The following STRADA variants were observed in gnomAD, a reference collection of about 807,000 sequenced individuals.
The protein encoded by STRADA is STE20 related adaptor alpha.
In STRADA, 26 loss-of-function variants were observed where a neutral mutation model predicts 55.0. The ratio of observed to expected loss-of-function variants is 0.47; its 90% confidence interval spans 0.35 to 0.66. The LOEUF is 0.66. Ranked by LOEUF, STRADA falls within the 30% of genes least tolerant of loss-of-function variation. The pLI is 0.01. For missense variants in STRADA, 443 were observed against 549.7 expected, an observed-to-expected ratio of 0.81 and a Z score of 1.94; for synonymous variants, 197 against 210.9, an observed-to-expected ratio of 0.93 and a Z score of 0.57.
At position 63,703,314 on chromosome 17, in the gene STRADA, T is replaced by A; in HGVS notation, c.*285A>T. 2 of 322,690 alleles carry A rather than the reference T, an allele frequency of 6.2e-6. No homozygotes were observed. Among genetic ancestry groups the A allele is most frequent in the Non-Finnish European group, 1.1e-5 (2 of 173,972 alleles). 20.0% of individuals were successfully genotyped at this position (322,690 alleles called of 1,614,324 possible). A position where few individuals can be genotyped will look rare whatever the true frequency, so the allele number is the denominator to read the frequency against. ...TTCAGCTCCCAGGGCCAGAGCAGCA[T>A]CTCTCTTCTGCGGAGGAGGTCACCT... On this transcript the variant is annotated 3_prime_UTR_variant, in exon 13 of 13. Transcript: ENST00000336174.
At chr17:63,717,147 T>A (rs2036944517) in intron 4 of STRADA, 1 of 152,214 alleles carries the variant, frequency 6.6e-6, no homozygotes, top group East Asian at 1.9e-4. Context: ...TACTTTTTGG[T>A]GACTCTCCTG....
At chr17:63,721,713 CAAA>C (rs1208174884) in intron 4 of STRADA, among the ~76,000 whole-genome samples, 1 of 97,824 alleles carries the variant, frequency 1.0e-5, no homozygotes. Flanking sequence ...GATTCGGTCT[CAAA>C]AAAAAAAAAA....
In STRADA at chr17:63,703,683, C is replaced by T. The variant is rs760421285; in HGVS notation, c.1212G>A (p.Glu404=). ...LRPVTPITNF[E]GSQSQDHSGI... Reference sequence around the variant, plus strand: ...CACTGTGGTCCTGAGACTGGCTGCCCTCAAAATTGGTGATGGGGGTGACAG... The same window carrying T: ...CACTGTGGTCCTGAGACTGGCTGCCTTCAAAATTGGTGATGGGGGTGACAG... The change falls in exon 13 of 13, where the codon GAG becomes GAA. Residue 404 remains glutamate (E), a synonymous_variant. Transcript: ENST00000336174. 2.5e-5 allele frequency: 40 copies of T among 1,614,070 alleles called. No individual in the cohort carries two copies. Among genetic ancestry groups the T allele is most frequent in the Non-Finnish European group, 3.3e-5 (39 of 1,180,028 alleles).
In STRADA at chr17:63,713,501, C is replaced by T; in HGVS notation, c.253G>A (p.Val85Met). 1.2e-6 allele frequency: 2 copies of T among 1,614,174 alleles called. No homozygotes were observed. Among genetic ancestry groups the T allele is most frequent in the Non-Finnish European group, 1.7e-6 (2 of 1,180,020 alleles). Reference sequence around the variant, plus strand: ...GTTGGTTTGTACCTTGCTAGATTCACAGTCATCAGGTCCTCAAATCCTTTG... The same window carrying T: ...GTTGGTTTGTACCTTGCTAGATTCATAGTCATCAGGTCCTCAAATCCTTTG... Reference protein sequence around the residue: ...IGKGFEDLMTVNLARYKPTGE... With the variant: ...IGKGFEDLMTMNLARYKPTGE... The change falls in exon 6 of 13, where the codon GTG becomes ATG. Residue 85 changes from valine (V) to methionine (M), a missense_variant. By Grantham distance (21) the Val-to-Met change is conservative (BLOSUM62 1). Coordinates refer to ENST00000336174, the MANE Select transcript of STRADA (RefSeq NM_001003787.4).
At position 63,707,134 on chromosome 17, in the gene STRADA, G is replaced by A. The variant is rs113380289; in HGVS notation, c.753+113C>T. The A allele has an allele frequency of 5.8e-5, 80 of 1,383,908 alleles. No individual in the cohort carries two copies. The African/African-American group carries it at 8.5e-4, about 15-fold the overall frequency. The allele number at this position is 1,383,908 out of a possible 1,614,324, so 85.7% of individuals were successfully genotyped here. On this transcript the variant is annotated intron_variant, in intron 9 of 12. Coordinates refer to ENST00000336174, the MANE Select transcript of STRADA (RefSeq NM_001003787.4). ...CACGCTGAGGGCTCCCTCCCTCCAG[G>A]AACCCCTTTACCCCACTGGGAGGTT...
chr17:63,738,198 G>A (rs546004626), intron 1 of STRADA, among the ~76,000 whole-genome samples: 77 of 151,248 alleles, frequency 5.1e-4, no homozygotes, highest in African/African-American at 1.8e-3. Flanking sequence ...AAAATTAGCC[G>A]GGCATGGTGG....
At chr17:63,741,983 A>G (rs1331141229), upstream of STRADA, 1 of 152,244 alleles carries the variant, frequency 6.6e-6, no homozygotes, top group Non-Finnish European at 1.5e-5. Context: ...AGCGGTTCTC[A>G]GTTCCCGTTG....
chr17:63,721,516 C>T lies in STRADA; in HGVS notation c.123+1782G>A, dbSNP rs74400529. On this transcript the variant is annotated intron_variant, in intron 4 of 12. Coordinates refer to ENST00000336174, the MANE Select transcript of STRADA (RefSeq NM_001003787.4). ...GGTAGATCACTTGAGGTCAGGGGTT[C>T]GAGACCAGCCAACATAGTGAAACCC... Among the ~76,000 whole-genome samples, 1,477 of 150,400 alleles carry T rather than the reference C, an allele frequency of 9.8e-3. 57 individuals carry two copies. Among genetic ancestry groups the T allele is most frequent in the Admixed American group, 0.073 (1,106 of 15,074 alleles).
chr17:63,732,854 C>CT (rs1365407693), intron 1 of STRADA, among the ~76,000 whole-genome samples: 2 of 152,098 alleles, frequency 1.3e-5, no homozygotes, highest in Non-Finnish European at 2.9e-5. Context: ...AGTGGTGAGA[C>CT]TAACAGTATG....
At chr17:63,731,145 T>C (rs144248294) in intron 1 of STRADA, among the ~76,000 whole-genome samples, 2,861 of 152,014 alleles carry the variant, frequency 0.019, 48 homozygotes, top group Non-Finnish European at 0.03. Flanking sequence ...GGTTCCACCA[T>C]GTTGGCCAGG....
At chr17:63,732,193 C>T (rs966179438) in intron 1 of STRADA, among the ~76,000 whole-genome samples, 2 of 151,500 alleles carry the variant, frequency 1.3e-5, no homozygotes, top group African/African-American at 2.4e-5. Flanking sequence ...TTAGTAGAGA[C>T]GGGGTTTTGC....
At position 63,739,819 on chromosome 17, in the gene STRADA, T is replaced by G. The variant is rs2038752656; in HGVS notation, c.-45+1922A>C. 2.0e-5 allele frequency among the ~76,000 whole-genome samples: 3 copies of G among 147,206 alleles called. No individual in the cohort carries two copies. In the Admixed American group the frequency reaches 2.0e-4, roughly 10 times the overall value. On this transcript the variant is annotated intron_variant, in intron 1 of 12. Transcript: ENST00000336174. ...CATAATTATATGTATATACATATAA[T>G]GTACATAATTATATGTATATACATA...
chr17:63,714,174 G>T, intron 4 of STRADA, 66 bp from the exon 5 acceptor site: 2 of 1,261,342 alleles, frequency 1.6e-6, no homozygotes, highest in Non-Finnish European at 2.3e-6. Flanking sequence ...TGGGGTGAAG[G>T]TGGTAATTCA....
chr17:63,740,204 G>A (rs1369017399), intron 1 of STRADA, among the ~76,000 whole-genome samples: 5 of 141,046 alleles, frequency 3.5e-5, no homozygotes, highest in Non-Finnish European at 6.1e-5. Context: ...TATTACTAGT[G>A]GACAGACATA....
chr17:63,704,898 G>A (rs767876245), intron 10 of STRADA: 2 of 1,535,986 alleles, frequency 1.3e-6, no homozygotes, highest in African/African-American at 2.7e-5. Flanking sequence ...TTTTACCGTA[G>A]AGTCTTCACC....
At chr17:63,722,415 C>T (rs1319047338) in intron 4 of STRADA, among the ~76,000 whole-genome samples, 3 of 152,096 alleles carry the variant, frequency 2.0e-5, no homozygotes, top group African/African-American at 7.2e-5. Flanking sequence ...TATAAAAATC[C>T]TATGTAATTG....
At chr17:63,739,161 A>G (rs924439585) in intron 1 of STRADA, among the ~76,000 whole-genome samples, 17 of 150,306 alleles carry the variant, frequency 1.1e-4, no homozygotes, top group Admixed American at 1.1e-3. Flanking sequence ...AAAAAAAAAA[A>G]AAAGGGAAAT....
intron 8 of STRADA, among the ~76,000 whole-genome samples, chr17:63,709,420 C>T (rs2036339300): frequency 6.6e-6 from 1 of 152,164 alleles, no homozygotes; most frequent in Non-Finnish European, 1.5e-5. Flanking sequence ...ATATCTTTGG[C>T]CCATTTTTCT....
chr17:63,704,186 G>C (rs2035908865), intron 11 of STRADA, 139 bp from the exon 12 acceptor site: 1 of 1,519,208 alleles, frequency 6.6e-7, no homozygotes, highest in African/African-American at 1.4e-5. Flanking sequence ...AGCTCCCCAG[G>C]CTGGCCTCTG....
Sources: allele counts gnomAD v4.1 joint callset (sites outside exome capture counted in the v4.1 genomes callset), GRCh38; gene constraint gnomAD v4.1.1; transcripts MANE v1.5; gene names NCBI Gene and HGNC (gene_info 2026-07-23, HGNC 2026-07-21).